FNTB: variants seen among roughly 807,000 people sequenced by gnomAD.
FNTB encodes the protein farnesyltransferase, CAAX box, subunit beta, also known as protein farnesyltransferase subunit beta.
Under a neutral mutation model 59.4 loss-of-function variants are expected in FNTB, and 27 were observed. The ratio of observed to expected loss-of-function variants is 0.45; its 90% confidence interval spans 0.34 to 0.63. FNTB has a LOEUF of 0.63. Ranked by LOEUF, FNTB falls within the 20% of genes least tolerant of loss-of-function variation. The pLI is 0.02. For synonymous variants in FNTB, 230 were observed against 220.7 expected (o/e 1.04, Z -0.37); for missense variants, 449 against 559.6 (o/e 0.80, Z 1.99).
chr14:65,015,463 A>G (rs2061755154), intron 3 of FNTB, 162 bp from the exon 4 acceptor site: 1 of 386,086 alleles, frequency 2.6e-6, no homozygotes, highest in African/African-American at 2.1e-5. Context: ...CTCCTGGCTA[A>G]GGCCACAAAG....
chr14:65,056,491 C>T (rs1333185995), intron 11 of FNTB, among the ~76,000 whole-genome samples: 2 of 152,152 alleles, frequency 1.3e-5, no homozygotes, highest in African/African-American at 4.8e-5. Flanking sequence ...TAAGATGAAT[C>T]GATCCATAGT....
chr14:65,054,411 G>C lies in FNTB; in HGVS notation c.1068-164G>C, dbSNP rs1029612483. Among the ~76,000 whole-genome samples, 3 of 151,714 alleles carry C rather than the reference G, an allele frequency of 2.0e-5. No individual in the cohort carries two copies. Among genetic ancestry groups the C allele is most frequent in the African/African-American group, 7.3e-5 (3 of 41,268 alleles). ...GGGTGTGAGCCACTGTGCTCAGCCA[G>C]TGGGGCTTTAAATAACACTGCTGGG... On this transcript the variant is annotated intron_variant, in intron 10 of 11. Transcript: ENST00000246166. This position sits in a 1 kb window ranked among gnomAD's most constrained non-coding sequence, Gnocchi z 4.4.
rs916309029 is a variant in FNTB at position 64,997,746 on chromosome 14, A to G, written c.145-6503A>G. Among the ~76,000 whole-genome samples, 1 of 152,252 alleles carries G rather than the reference A, an allele frequency of 6.6e-6. No individual in the cohort carries two copies. Among genetic ancestry groups the G allele is most frequent in the African/African-American group, 2.4e-5 (1 of 41,466 alleles). On this transcript the variant is annotated intron_variant, in intron 1 of 11. Coordinates refer to ENST00000246166, the MANE Select transcript of FNTB (RefSeq NM_002028.4). The surrounding 1 kb of genome is among the most constrained non-coding windows in gnomAD (Gnocchi z 4.5). Reference sequence around the variant, plus strand: ...ACAGTAAACAAGGATAAGGTTTGTTATGCAGGTTTAGGCAGGTGCCTTCTC... The same window carrying G: ...ACAGTAAACAAGGATAAGGTTTGTTGTGCAGGTTTAGGCAGGTGCCTTCTC...
chr14:65,033,400 A>G (rs906821141), intron 7 of FNTB, among the ~76,000 whole-genome samples: 5 of 152,206 alleles, frequency 3.3e-5, no homozygotes, highest in African/African-American at 1.2e-4. Context: ...CTGAGGGGAG[A>G]GCAAAGGAAA....
In FNTB at chr14:65,014,059, T is replaced by TG. The variant is rs1211699987; in HGVS notation, c.283-1563dup. ...TCCAGGTGGTGGGTTAGCCACAGCT[T>TG]GGGATATCAGCATAGTTTTGAAGAG... On this transcript the variant is annotated intron_variant, in intron 3 of 11. Transcript: ENST00000246166. The surrounding 1 kb of genome is among the most constrained non-coding windows in gnomAD (Gnocchi z 5.1). 1.3e-5 allele frequency among the ~76,000 whole-genome samples: 2 copies of TG among 152,170 alleles called. No homozygotes were observed.
rs1888199134 is a variant in FNTB at position 64,991,544 on chromosome 14, C to T, written c.144+4447C>T. 2.0e-5 allele frequency among the ~76,000 whole-genome samples: 3 copies of T among 152,120 alleles called. 1 individual carries two copies. The South Asian group carries it at 6.2e-4, about 31-fold the overall frequency. ...TCTTTAACCTGGGAGGCGGAGGTTG[C>T]AGTGAGCCGAGATTGCACCATTGCA... On this transcript the variant is annotated intron_variant, in intron 1 of 11. Transcript: ENST00000246166. The surrounding 1 kb of genome is among the most constrained non-coding windows in gnomAD (Gnocchi z 4.4).
chr14:65,010,054 C>T (rs2061659961), intron 2 of FNTB, among the ~76,000 whole-genome samples: 2 of 152,264 alleles, frequency 1.3e-5, no homozygotes, highest in Admixed American at 1.3e-4. Flanking sequence ...TTGCCTTCAC[C>T]TCTGCTCTGA....
At position 65,041,019 on chromosome 14, in the gene FNTB, G is replaced by A. The variant is rs535048472; in HGVS notation, c.822+100G>A. On this transcript the variant is annotated intron_variant, in intron 8 of 11. Coordinates refer to ENST00000246166, the MANE Select transcript of FNTB (RefSeq NM_002028.4). ...TCAGGAGAGTTTGGCTATGGGAAGGGCTAAGAGAGTTAGCTCTGTTCCAAC... is the reference window on the plus strand; with the variant it reads ...TCAGGAGAGTTTGGCTATGGGAAGGACTAAGAGAGTTAGCTCTGTTCCAAC... 3.4e-5 allele frequency: 52 copies of A among 1,531,180 alleles called. No individual in the cohort carries two copies. In the East Asian group the frequency reaches 1.2e-3, roughly 34 times the overall value. 94.8% of individuals were successfully genotyped at this position (1,531,180 alleles called of 1,614,324 possible). A position where few individuals can be genotyped will look rare whatever the true frequency, so the allele number is the denominator to read the frequency against.
chr14:64,999,322 C>T (rs1326985456), intron 1 of FNTB, among the ~76,000 whole-genome samples: 1 of 152,194 alleles, frequency 6.6e-6, no homozygotes, highest in Non-Finnish European at 1.5e-5. Context: ...CCTGTAATCC[C>T]AGCTACTTAG....
chr14:65,055,699 T>G (rs1171076513), intron 11 of FNTB, among the ~76,000 whole-genome samples: 1 of 152,034 alleles, frequency 6.6e-6, no homozygotes, highest in African/African-American at 2.4e-5. Context: ...GTATTTTTAG[T>G]AGAGACAGGG....
At chr14:65,000,389 A>G (rs1001209126) in intron 1 of FNTB, among the ~76,000 whole-genome samples, 1 of 152,204 alleles carries the variant, frequency 6.6e-6, no homozygotes, top group Non-Finnish European at 1.5e-5. Context: ...AAAAGGAAGA[A>G]GCTCAGGCAA....
In FNTB at chr14:65,009,071, G is replaced by A. The variant is rs2061643094; in HGVS notation, c.210-3246G>A. Among the ~76,000 whole-genome samples the A allele has an allele frequency of 6.6e-6, 1 of 152,264 alleles. No homozygotes were observed. The highest frequency in any genetic ancestry group is 2.1e-4 in the South Asian group (1 of 4,824). ...ATGGTTTTGGGGCTGAATTGTTCAG[G>A]TAAAAATAGGAAGAGCTCTACCTTT... On this transcript the variant is annotated intron_variant, in intron 2 of 11. Transcript: ENST00000246166. This position sits in a 1 kb window ranked among gnomAD's most constrained non-coding sequence, Gnocchi z 4.2.
rs1398427184 is a variant in FNTB, at chr14:65,009,623, C to T, written c.210-2694C>T. ...TACCCTCATCCCAGCCCTCCTCCAT[C>T]CTCTTTACAGACCTTCCCTATGGAT... On this transcript the variant is annotated intron_variant, in intron 2 of 11. Transcript: ENST00000246166. The surrounding 1 kb of genome is among the most constrained non-coding windows in gnomAD (Gnocchi z 4.2). Among the ~76,000 whole-genome samples, 1 of 152,158 alleles carries T rather than the reference C, an allele frequency of 6.6e-6. No individual in the cohort carries two copies. Among genetic ancestry groups the T allele is most frequent in the Non-Finnish European group, 1.5e-5 (1 of 68,044 alleles).
chr14:64,995,201 A>G (rs1459619991), intron 1 of FNTB, among the ~76,000 whole-genome samples: 1 of 152,210 alleles, frequency 6.6e-6, no homozygotes, highest in Non-Finnish European at 1.5e-5. Context: ...CTTCGGGGAC[A>G]GTGATAGGCA....
rs1302894757 is a variant in FNTB, at chr14:65,040,893, C to A, written c.796C>A (p.Arg266Ser). 1 of 1,613,878 alleles carries A rather than the reference C, an allele frequency of 6.2e-7. No individual in the cohort carries two copies. Among genetic ancestry groups the A allele is most frequent in the Non-Finnish European group, 8.5e-7 (1 of 1,179,852 alleles). Reference sequence around the variant, plus strand: ...CGCGCTGGTAATCCTCAAGAGGGAACGTTCCTTGAACTTGAAGAGCTTATT... The same window carrying A: ...CGCGCTGGTAATCCTCAAGAGGGAAAGTTCCTTGAACTTGAAGAGCTTATT... The part of the protein sequence containing the change: ...LAALVILKRE[R>S]SLNLKSLLQW... The change falls in exon 8 of 12, where the codon CGT (arginine) becomes AGT (serine). Residue 266 changes from arginine (R) to serine (S), a missense_variant. Physicochemically the swap from Arg to Ser is moderately radical, Grantham distance 110 (BLOSUM62 -1). Around this residue, in one of 2 missense-constraint regions of FNTB, gnomAD observed 337 missense variants for 479.1 expected, o/e 0.70. Coordinates refer to ENST00000246166, the MANE Select transcript of FNTB (RefSeq NM_002028.4).
chr14:65,019,200 T>C (rs2061841309), intron 4 of FNTB, among the ~76,000 whole-genome samples: 1 of 151,274 alleles, frequency 6.6e-6, no homozygotes. Flanking sequence ...AAAGAAGAAC[T>C]TTCTGGCTGG....
In FNTB at chr14:65,004,257, A is replaced by C. The variant is rs185874927; in HGVS notation, c.153A>C (p.Val51=). ...TCCTGCATCCTTACCAGGCAAAAGT[A>C]GAAGAAAAGATCCAAGAGGTCTTCA... is the stretch of plus-strand genomic sequence containing the variant. The part of the protein sequence containing the change: ...ETVTSIEQAK[V]EEKIQEVFSS... Residue 51 remains valine (V), a synonymous_variant, in exon 2 of 12, where the codon GTA becomes GTC. Coordinates refer to ENST00000246166, the MANE Select transcript of FNTB (RefSeq NM_002028.4). 6 of 1,613,754 alleles carry C rather than the reference A, an allele frequency of 3.7e-6. No individual in the cohort carries two copies. The East Asian group carries it at 1.3e-4, about 36-fold the overall frequency.
intron 11 of FNTB, among the ~76,000 whole-genome samples, chr14:65,055,793 A>C (rs1005147789): frequency 3.9e-5 from 6 of 152,206 alleles, no homozygotes; most frequent in African/African-American, 1.4e-4. Context: ...CCAGGATTAC[A>C]TGTGTGAGCC....
chr14:65,015,687 T>C lies in FNTB; in HGVS notation c.345T>C (p.Asp115=). 1 of 1,614,210 alleles carries C rather than the reference T, an allele frequency of 6.2e-7. No individual in the cohort carries two copies. ...TCCTGCACAGCTTGGAACTGCTAGA[T>C]GAACCCATCCCCCAGATAGTGGCTA... is the stretch of plus-strand genomic sequence containing the variant. ...YWILHSLELL[D]EPIPQIVATD... The change falls in exon 4 of 12, where the codon GAT becomes GAC. Residue 115 remains aspartate, a synonymous_variant. Coordinates refer to ENST00000246166, the MANE Select transcript of FNTB (RefSeq NM_002028.4).
Sources: gnomAD v4.1 joint callset for allele counts (sites outside exome capture counted in the v4.1 genomes callset) on GRCh38, gnomAD v4.1.1 for gene constraint, gnomAD v4.1.1 regional missense constraint, Gnocchi (gnomAD v3.1) non-coding constraint, MANE v1.5 for transcripts, NCBI Gene and HGNC (gene_info 2026-07-23, HGNC 2026-07-21) for gene names.